SLC7A13: variants seen among roughly 807,000 people sequenced by gnomAD.
SLC7A13 encodes X-amino acid transporter 2.
In SLC7A13, 31 loss-of-function variants were observed where a neutral mutation model predicts 32.0. That is an observed-to-expected ratio of 0.97 (90% CI 0.73 to 1.31). The LOEUF is 1.31. SLC7A13 is among the 50% of genes most tolerant of loss of function. The probability of loss-of-function intolerance (pLI) is 0.00; values close to 1 mark genes in which losing one functional copy is unlikely to be tolerated. For synonymous variants in SLC7A13, 232 were observed against 206.9 expected (o/e 1.12, Z -1.04); for missense variants, 633 against 546.9 (o/e 1.16, Z -1.57).
At chr8:86,214,756 C>A in intron 3 of SLC7A13, 110 bp from the exon 4 acceptor site, 1 of 765,744 alleles carries the variant, frequency 1.3e-6, no homozygotes, top group Non-Finnish European at 2.1e-6. Flanking sequence ...AGAAAACAGG[C>A]TAAATTAGCT....
At chr8:86,220,395 T>A (rs1457362490) in intron 2 of SLC7A13, among the ~76,000 whole-genome samples, 1 of 152,102 alleles carries the variant, frequency 6.6e-6, no homozygotes, top group African/African-American at 2.4e-5. Flanking sequence ...GTTGTGAAAC[T>A]TATTCATAAT....
intron 1 of SLC7A13, among the ~76,000 whole-genome samples, chr8:86,228,480 T>A (rs1037969351): frequency 1.1e-4 from 16 of 152,092 alleles, no homozygotes; most frequent in African/African-American, 3.9e-4. Flanking sequence ...GCTCAAGCGA[T>A]CCTCCCACCT....
rs1029003865 is a variant in SLC7A13 at position 86,223,090 on chromosome 8, C to T, written c.699G>A (p.Lys233=). ...CFTLIAGELK[K]PRTTIPKCIF... The stretch of plus-strand genomic sequence containing the variant: ...TGCATTTGGGAATTGTTGTTCTGGG[C>T]TTCTTCAGCTCCCCTATAACACAAA... The change falls in exon 2 of 4, where the codon AAG becomes AAA. Residue 233 remains lysine, a synonymous_variant. Transcript: ENST00000297524. 1 of 1,600,140 alleles carries T rather than the reference C, an allele frequency of 6.2e-7. No homozygotes were observed. The highest frequency in any genetic ancestry group is 8.5e-7 in the Non-Finnish European group (1 of 1,173,584).
intron 1 of SLC7A13, among the ~76,000 whole-genome samples, chr8:86,226,526 C>T (rs1399828877): frequency 2.0e-5 from 3 of 152,072 alleles, no homozygotes; most frequent in Non-Finnish European, 4.4e-5. Flanking sequence ...TGTGATTTTC[C>T]TCTATACCAC....
chr8:86,219,269 T>C (rs551039414), intron 2 of SLC7A13, among the ~76,000 whole-genome samples: 1 of 152,202 alleles, frequency 6.6e-6, no homozygotes, highest in African/African-American at 2.4e-5. Flanking sequence ...CCCCTTCAAT[T>C]TCCCAGTGTG....
At chr8:86,228,740 G>A (rs1820433816) in intron 1 of SLC7A13, among the ~76,000 whole-genome samples, 1 of 151,976 alleles carries the variant, frequency 6.6e-6, no homozygotes. Context: ...CAGCTACTCT[G>A]GAGGCTGAGG....
chr8:86,229,390 C>A (rs1820443007), intron 1 of SLC7A13, among the ~76,000 whole-genome samples: 1 of 152,112 alleles, frequency 6.6e-6, no homozygotes, highest in Non-Finnish European at 1.5e-5. Context: ...AGAAGTTGTT[C>A]AATCAAATAA....
At chr8:86,222,857 A>C in intron 2 of SLC7A13, 115 bp downstream of exon 2, 1 of 1,056,400 alleles carries the variant, frequency 9.5e-7, no homozygotes, top group African/African-American at 1.7e-5. Context: ...GAAAATTATA[A>C]GTTGATTCCA....
At chr8:86,229,135 A>C (rs1820440096) in intron 1 of SLC7A13, among the ~76,000 whole-genome samples, 1 of 151,084 alleles carries the variant, frequency 6.6e-6, no homozygotes, top group East Asian at 2.0e-4. Context: ...TTCATCAATG[A>C]AAGGAAAAAA....
chr8:86,221,771 T>C (rs1240019899), intron 2 of SLC7A13, among the ~76,000 whole-genome samples: 3 of 152,176 alleles, frequency 2.0e-5, no homozygotes, highest in Non-Finnish European at 4.4e-5. Flanking sequence ...ATCTACAAAA[T>C]TGCTATAATC....
At chr8:86,222,262 G>A (rs974939596) in intron 2 of SLC7A13, among the ~76,000 whole-genome samples, 21 of 152,092 alleles carry the variant, frequency 1.4e-4, no homozygotes, top group South Asian at 2.1e-4. Context: ...TTGTGAGGTC[G>A]TTTAATGCTG....
chr8:86,219,529 C>T (rs1193929831), intron 2 of SLC7A13, among the ~76,000 whole-genome samples: 10 of 152,158 alleles, frequency 6.6e-5, no homozygotes, highest in Admixed American at 6.6e-4. Context: ...CTCTCCTCAC[C>T]AGCCTCCCAT....
chr8:86,217,816 G>A lies in SLC7A13; in HGVS notation c.833C>T (p.Thr278Ile). Reference protein sequence around the residue: ...EILSSDAVAITWADRAFPSLA... With the variant: ...EILSSDAVAIIWADRAFPSLA... ...TGAGGGAAAAGCTCGATCAGCCCATGTGATAGCTACAGCATCTGCAGAAAA... is the reference window on the plus strand; with the variant it reads ...TGAGGGAAAAGCTCGATCAGCCCATATGATAGCTACAGCATCTGCAGAAAA... The change falls in exon 3 of 4, where the codon ACA becomes ATA. Residue 278 changes from threonine to isoleucine, a missense_variant. Coordinates refer to ENST00000297524, the MANE Select transcript of SLC7A13 (RefSeq NM_138817.3). 1 of 1,572,184 alleles carries A rather than the reference G, an allele frequency of 6.4e-7. No individual in the cohort carries two copies. Among genetic ancestry groups the A allele is most frequent in the South Asian group, 1.2e-5 (1 of 83,826 alleles).
At chr8:86,216,467 G>C (rs971108711) in intron 3 of SLC7A13, among the ~76,000 whole-genome samples, 1 of 152,150 alleles carries the variant, frequency 6.6e-6, no homozygotes, top group Non-Finnish European at 1.5e-5. Context: ...TCTACTGAAA[G>C]TACCTAGCAA....
At chr8:86,227,605 A>G (rs1015828360) in intron 1 of SLC7A13, among the ~76,000 whole-genome samples, 10 of 152,230 alleles carry the variant, frequency 6.6e-5, no homozygotes, top group Admixed American at 5.9e-4. Flanking sequence ...CCACAGGAAT[A>G]GAAATTGTTA....
intron 1 of SLC7A13, among the ~76,000 whole-genome samples, chr8:86,224,974 C>G (rs934449216): frequency 1.1e-4 from 17 of 149,306 alleles, no homozygotes; most frequent in African/African-American, 4.2e-4. Context: ...AGCAATCCTC[C>G]AGTCTAGGCC....
At chr8:86,219,383 A>G (rs1336104498) in intron 2 of SLC7A13, among the ~76,000 whole-genome samples, 5 of 152,290 alleles carry the variant, frequency 3.3e-5, no homozygotes, top group Admixed American at 2.6e-4. Context: ...CTTTAGCTCT[A>G]TGCCACAAGG....
At position 86,214,587 on chromosome 8, in the gene SLC7A13, T is replaced by A; in HGVS notation, c.1239A>T (p.Pro413=). 1 of 1,613,768 alleles carries A rather than the reference T, an allele frequency of 6.2e-7. No individual in the cohort carries two copies. The highest frequency in any genetic ancestry group is 8.5e-7 in the Non-Finnish European group (1 of 1,179,840). ...IVIDVGLVVI[P]LVKSPNVHYV... ...AATGCACATTTGGAGACTTTACCAA[T>A]GGTATCACAACCAAGCCCACGTCGA... Residue 413 remains proline (P), a synonymous_variant, in exon 4 of 4, where the codon CCA becomes CCT. Transcript: ENST00000297524.
intron 2 of SLC7A13, among the ~76,000 whole-genome samples, chr8:86,220,614 T>C (rs1332206018): frequency 6.6e-6 from 1 of 152,126 alleles, no homozygotes; most frequent in African/African-American, 2.4e-5. Flanking sequence ...TGCCACATCA[T>C]GGATGCTCTA....
Sources: gnomAD v4.1 joint callset for allele counts (sites outside exome capture counted in the v4.1 genomes callset) on GRCh38, gnomAD v4.1.1 for gene constraint, MANE v1.5 for transcripts, NCBI Gene and HGNC (gene_info 2026-07-23, HGNC 2026-07-21) for gene names.